CARS2: variants seen among roughly 807,000 people sequenced by gnomAD.
CARS2 encodes cysteinyl-tRNA synthetase 2, mitochondrial, also known as probable cysteine--tRNA ligase, mitochondrial.
Under a neutral mutation model 68.8 loss-of-function variants are expected in CARS2, and 52 were observed. The observed-to-expected ratio is 0.76, with a 90% CI of 0.61 to 0.95. The LOEUF (loss-of-function observed/expected upper bound fraction) is 0.95. Among genes scored for constraint, CARS2 ranks in the 40% least tolerant of loss-of-function variants. CARS2 has a pLI of 0.00. For synonymous variants in CARS2, 314 were observed against 303.6 expected (o/e 1.03, Z -0.36); for missense variants, 780 against 754.2 (o/e 1.03, Z -0.40).
chr13:110,662,908 AAAG>A (rs1345744325), intron 9 of CARS2: 1 of 426,032 alleles, frequency 2.3e-6, no homozygotes, highest in African/African-American at 2.0e-5. Flanking sequence ...GCCAGAAGAC[AAAG>A]GAGGAGTTCA....
At chr13:110,681,006 CT>C (rs2063143318) in intron 6 of CARS2, among the ~76,000 whole-genome samples, 1 of 152,220 alleles carries the variant, frequency 6.6e-6, no homozygotes, top group South Asian at 2.1e-4. Flanking sequence ...CCATTGTTGT[CT>C]CCTTCCACTA....
chr13:110,646,766 TC>T (rs375544466), intron 11 of CARS2: 4 of 251,898 alleles, frequency 1.6e-5, no homozygotes, highest in African/African-American at 8.9e-5. Context: ...CAGGCACACT[TC>T]CTGCCAGCGC....
chr13:110,698,318 G>A (rs568613669), intron 3 of CARS2, among the ~76,000 whole-genome samples: 1 of 151,910 alleles, frequency 6.6e-6, no homozygotes, highest in Non-Finnish European at 1.5e-5. Context: ...TCAGGAGTTC[G>A]AGACCAGCCT....
chr13:110,671,561 G>A (rs2062803632), intron 7 of CARS2, among the ~76,000 whole-genome samples: 1 of 152,144 alleles, frequency 6.6e-6, no homozygotes, highest in African/African-American at 2.4e-5. Flanking sequence ...GCTCCTGAAG[G>A]AAGCACTAAA....
rs2063783887 is a variant in CARS2, at chr13:110,701,496, A to G, written c.335T>C (p.Ile112Thr). The change falls in exon 3 of 15, where the codon ATA becomes ACA. Residue 112 changes from isoleucine (I) to threonine (T), a missense_variant. Ile to Thr is a moderately conservative substitution (Grantham distance 89, BLOSUM62 -1). Coordinates refer to ENST00000257347, the MANE Select transcript of CARS2 (RefSeq NM_024537.4). Reference protein sequence around the residue: ...RILTKVFGCSIVMVMGITDVD... With the variant: ...RILTKVFGCSTVMVMGITDVD... ...ATCTGTAATACCCATCACCATGACTATGCTGCATCCAAAAACCTTGGTTAG... is the reference window on the plus strand; with the variant it reads ...ATCTGTAATACCCATCACCATGACTGTGCTGCATCCAAAAACCTTGGTTAG... The G allele has an allele frequency of 1.2e-6, 2 of 1,600,314 alleles. No individual in the cohort carries two copies. The highest frequency in any genetic ancestry group is 1.7e-6 in the Non-Finnish European group (2 of 1,167,372).
chr13:110,705,859 G>T lies in CARS2; in HGVS notation c.224+11C>A. ...CGGCCCCCGCCCGTGCCCCAGTCCCGCGCGGCCCACCAGGAGGCGGCTTCG... is the reference window on the plus strand; with the variant it reads ...CGGCCCCCGCCCGTGCCCCAGTCCCTCGCGGCCCACCAGGAGGCGGCTTCG... On this transcript the variant is annotated intron_variant, in intron 1 of 14. Transcript: ENST00000257347. The surrounding 1 kb of genome is among the most constrained non-coding windows in gnomAD (Gnocchi z 4.0). The T allele has an allele frequency of 6.5e-7, 1 of 1,549,256 alleles. No individual in the cohort carries two copies.
intron 7 of CARS2, among the ~76,000 whole-genome samples, chr13:110,669,946 G>A (rs1011988425): frequency 3.9e-5 from 6 of 152,222 alleles, no homozygotes; most frequent in South Asian, 4.1e-4. Flanking sequence ...CCACGCCCAC[G>A]GAGCCTCGCT....
chr13:110,641,682 C>G, intron 14 of CARS2, 74 bp from the exon 15 acceptor site: 2 of 1,249,452 alleles, frequency 1.6e-6, no homozygotes. Context: ...CAGGCGTAAT[C>G]AGGTTCAGGG....
intron 3 of CARS2, among the ~76,000 whole-genome samples, chr13:110,699,995 G>T (rs897426811): frequency 2.0e-5 from 3 of 152,230 alleles, no homozygotes; most frequent in Non-Finnish European, 4.4e-5. Context: ...TCTGCTACCC[G>T]CCACAAGTGC....
At chr13:110,702,924 G>A (rs2063831693) in intron 2 of CARS2, among the ~76,000 whole-genome samples, 1 of 152,108 alleles carries the variant, frequency 6.6e-6, no homozygotes, top group Non-Finnish European at 1.5e-5. Flanking sequence ...TGCTCATCTG[G>A]GTGATCGCTG....
intron 9 of CARS2, among the ~76,000 whole-genome samples, chr13:110,662,335 G>A (rs544186): frequency 0.2 from 30,576 of 149,318 alleles, 3,578 homozygotes; most frequent in Admixed American, 0.3. Flanking sequence ...CCCCTTCTGC[G>A]TCATGCAACC....
chr13:110,663,309 A>T, intron 9 of CARS2, 142 bp downstream of exon 9: 1 of 761,122 alleles, frequency 1.3e-6, no homozygotes, highest in Non-Finnish European at 2.1e-6. Flanking sequence ...AGTGGGAGGG[A>T]GGTGAGGCAG....
intron 13 of CARS2, chr13:110,642,921 G>C: frequency 2.5e-6 from 1 of 407,680 alleles, no homozygotes; most frequent in South Asian, 2.0e-5. Flanking sequence ...CGTGTGTTTC[G>C]GCAAATGGTC....
At chr13:110,643,764 ACCTC>A in intron 13 of CARS2, 3 of 172,194 alleles carry the variant, frequency 1.7e-5, no homozygotes, top group East Asian at 1.6e-4. Context: ...AAGGCAGGAA[ACCTC>A]AAATCTGTAT....
chr13:110,694,636 C>T (rs2063568211), intron 3 of CARS2, among the ~76,000 whole-genome samples: 1 of 151,764 alleles, frequency 6.6e-6, no homozygotes, highest in East Asian at 2.0e-4. Context: ...GACCCTGTCT[C>T]AAAACAAAAA....
intron 3 of CARS2, among the ~76,000 whole-genome samples, chr13:110,690,588 C>A (rs2063430048): frequency 6.6e-6 from 1 of 152,218 alleles, no homozygotes; most frequent in Non-Finnish European, 1.5e-5. Flanking sequence ...TCGCTACGTG[C>A]TTACCCGGTC....
chr13:110,713,226 G>A lies in CARS2; in HGVS notation n.310C>T, dbSNP rs1202230569. Reference sequence around the variant, plus strand: ...ACTGCGGTTGCCAGTTCTGTTTCGGGCCCTACTTATACTGCTCTGTGGGGC... The same window carrying A: ...ACTGCGGTTGCCAGTTCTGTTTCGGACCCTACTTATACTGCTCTGTGGGGC... On this transcript the variant is annotated non_coding_transcript_exon_variant, in exon 1 of 3. Transcript: ENST00000485188. The A allele has an allele frequency of 2.8e-6, 4 of 1,415,694 alleles. No homozygotes were observed. In the African/African-American group the frequency reaches 5.8e-5, roughly 20 times the overall value. 87.7% of individuals were successfully genotyped at this position (1,415,694 alleles called of 1,614,324 possible).
chr13:110,667,327 AGTT>A lies in CARS2; in HGVS notation c.919+10_919+12del. ...ATTGAAACAGAACAAATTAATCTGA[AGTT>A]ATTACTTACCAGAATGCAGAAAATA... On this transcript the variant is annotated intron_variant, in intron 8 of 14. Transcript: ENST00000257347. The A allele has an allele frequency of 6.2e-7, 1 of 1,603,464 alleles. No homozygotes were observed. Among genetic ancestry groups the A allele is most frequent in the Admixed American group, 1.7e-5 (1 of 58,616 alleles).
rs796940304 is a variant in CARS2, at chr13:110,646,889, TCCC to T, written c.1193+209_1193+211del. Reference sequence around the variant, plus strand: ...CCCACACCTCCTGTCCAGCTCCCAGTCCCCTGTGGCCTCTGGGGAGCCCCTGAC... The same window carrying T: ...CCCACACCTCCTGTCCAGCTCCCAGTCTGTGGCCTCTGGGGAGCCCCTGAC... On this transcript the variant is annotated intron_variant, in intron 11 of 14. Transcript: ENST00000257347. The T allele has an allele frequency of 4.2e-5, 22 of 525,326 alleles. No homozygotes were observed. In the South Asian group the frequency reaches 6.3e-4, roughly 15 times the overall value. The allele number at this position is 525,326 out of a possible 1,614,324, so 32.5% of individuals were successfully genotyped here.
Sources: gnomAD v4.1 joint callset for allele counts (sites outside exome capture counted in the v4.1 genomes callset) on GRCh38, gnomAD v4.1.1 for gene constraint, Gnocchi (gnomAD v3.1) non-coding constraint, MANE v1.5 for transcripts, NCBI Gene and HGNC (gene_info 2026-07-23, HGNC 2026-07-21) for gene names.